The following DYNC2H1 variants were observed in gnomAD, a reference collection of about 807,000 sequenced individuals.
DYNC2H1 encodes the protein cytoplasmic dynein 2 heavy chain 1.
In DYNC2H1, 410 loss-of-function variants were observed where a neutral mutation model predicts 570.0. The observed-to-expected ratio is 0.72, with a 90% CI of 0.66 to 0.78. DYNC2H1 has a LOEUF of 0.78. DYNC2H1 is among the 30% of genes least tolerant of loss of function. The pLI is 0.00. For missense variants in DYNC2H1, 4,865 were observed against 5,046.4 expected (o/e 0.96, Z 1.09); for synonymous variants, 1,688 against 1,677.6 (o/e 1.01, Z -0.15).
chr11:103,223,056 CT>C lies in DYNC2H1; in HGVS notation c.9326del (p.Leu3109TrpfsTer8). ...TCCCATGTCTTGGAACGAATTCATC[CT>C]TTGGAAACTGAACAGGCAGGATTAG... The part of the protein sequence containing the change: ...QYSHVLERIH[P>X]LETEQAGLES... On this transcript the variant is annotated frameshift_variant, in exon 59 of 89. Transcript: ENST00000375735. LOFTEE classifies it high-confidence loss of function. 1 of 1,612,796 alleles carries C rather than the reference CT, an allele frequency of 6.2e-7. No individual in the cohort carries two copies. Among genetic ancestry groups the C allele is most frequent in the Non-Finnish European group, 8.5e-7 (1 of 1,179,346 alleles).
intron 65 of DYNC2H1, among the ~76,000 whole-genome samples, chr11:103,250,273 A>C (rs1235486720): frequency 6.6e-6 from 1 of 151,894 alleles, no homozygotes; most frequent in African/African-American, 2.4e-5. Flanking sequence ...GATAATTTTT[A>C]TTATCTTTTT....
At chr11:103,267,308 C>T (rs1865548734) in intron 70 of DYNC2H1, among the ~76,000 whole-genome samples, 1 of 150,626 alleles carries the variant, frequency 6.6e-6, no homozygotes, top group Non-Finnish European at 1.5e-5. Flanking sequence ...TCTGTTAGGG[C>T]CCGCCAGTCT....
intron 13 of DYNC2H1, among the ~76,000 whole-genome samples, chr11:103,131,522 T>A (rs1369037686): frequency 2.1e-5 from 3 of 142,054 alleles, no homozygotes; most frequent in African/African-American, 9.4e-5. Context: ...CCAGTATTCT[T>A]TTTTTTCCCT....
intron 40 of DYNC2H1, among the ~76,000 whole-genome samples, chr11:103,183,325 T>C (rs1197988113): frequency 2.0e-5 from 3 of 151,874 alleles, no homozygotes; most frequent in African/African-American, 7.2e-5. Context: ...GTGAATGTTA[T>C]AATAGGAGTA....
In DYNC2H1 at chr11:103,177,533, T is replaced by A; in HGVS notation, c.5875-23T>A. On this transcript the variant is annotated intron_variant, in intron 37 of 88. Transcript: ENST00000375735. The surrounding 1 kb of genome is among the most constrained non-coding windows in gnomAD (Gnocchi z 4.4). Reference sequence around the variant, plus strand: ...ATGATTGAATATTATAAATCATATATGAACATATTTCTTTCCTACTAGATC... The same window carrying A: ...ATGATTGAATATTATAAATCATATAAGAACATATTTCTTTCCTACTAGATC... 6.3e-7 allele frequency: 1 copy of A among 1,586,744 alleles called. No individual in the cohort carries two copies. The highest frequency in any genetic ancestry group is 8.5e-7 in the Non-Finnish European group (1 of 1,170,930).
At chr11:103,469,029 C>G (rs531517673) in intron 88 of DYNC2H1, among the ~76,000 whole-genome samples, 1 of 152,268 alleles carries the variant, frequency 6.6e-6, no homozygotes, top group Admixed American at 6.5e-5. Flanking sequence ...GTGCTAGGTA[C>G]TTTATATGCT....
rs531127628 is a variant in DYNC2H1 at position 103,192,098 on chromosome 11, A to T, written c.7542A>T (p.Gly2514=). The T allele has an allele frequency of 4.7e-6, 7 of 1,488,468 alleles. No homozygotes were observed. Among genetic ancestry groups the T allele is most frequent in the Non-Finnish European group, 6.3e-6 (7 of 1,109,370 alleles). 92.2% of individuals were successfully genotyped at this position (1,488,468 alleles called of 1,614,324 possible). Residue 2514 remains glycine (G), a splice_region_variant and synonymous_variant, in exon 47 of 89, where the codon GGA becomes GGT. Coordinates refer to ENST00000375735, the MANE Select transcript of DYNC2H1 (RefSeq NM_001377.3). ...LGLFRYDLEG[G]SSNHPLDYVL... ...TAAATAAAATTTTGCCTTTTCTAGG[A>T]TCCTCAAACCATCCACTAGATTATG...
chr11:103,170,632 TAA>T lies in DYNC2H1; in HGVS notation c.5152-252_5152-251del. 6.6e-6 allele frequency among the ~76,000 whole-genome samples: 1 copy of T among 152,322 alleles called. No individual in the cohort carries two copies. The highest frequency in any genetic ancestry group is 2.1e-4 in the South Asian group (1 of 4,832). ...TTTGTATGTAATTTGTATTTTGACTTAAAGAGTAACTAACACAAATCTTGTAT... is the reference window on the plus strand; with the variant it reads ...TTTGTATGTAATTTGTATTTTGACTTAGAGTAACTAACACAAATCTTGTAT... On this transcript the variant is annotated intron_variant, in intron 33 of 88. Coordinates refer to ENST00000375735, the MANE Select transcript of DYNC2H1 (RefSeq NM_001377.3). The surrounding 1 kb of genome is among the most constrained non-coding windows in gnomAD (Gnocchi z 4.8).
rs566098295 is a variant in DYNC2H1, at chr11:103,389,005, T to G, written c.12157-10658T>G. On this transcript the variant is annotated intron_variant, in intron 83 of 88. Transcript: ENST00000375735. ...CTGCCAGGCTTTGTTATGAGGATGA[T>G]GCTGGCCTCTTAAAATGAGTTAGGG... is the stretch of plus-strand genomic sequence containing the variant. Among the ~76,000 whole-genome samples, 5 of 152,358 alleles carry G rather than the reference T, an allele frequency of 3.3e-5. No homozygotes were observed. In the East Asian group the frequency reaches 7.7e-4, roughly 24 times the overall value.
intron 83 of DYNC2H1, among the ~76,000 whole-genome samples, chr11:103,386,932 G>C (rs1941907466): frequency 6.6e-6 from 1 of 151,528 alleles, no homozygotes; most frequent in African/African-American, 2.4e-5. Flanking sequence ...CCAAGTCTTT[G>C]CTATTGTGAA....
At chr11:103,294,440 C>G (rs1039490967) in intron 75 of DYNC2H1, among the ~76,000 whole-genome samples, 1 of 152,180 alleles carries the variant, frequency 6.6e-6, no homozygotes, top group African/African-American at 2.4e-5. Flanking sequence ...ATTGGGAACC[C>G]TAAGCCCAAG....
chr11:103,377,712 TG>T lies in DYNC2H1; in HGVS notation c.12156+19354del, dbSNP rs1210175060. Among the ~76,000 whole-genome samples the T allele has an allele frequency of 4.4e-4, 67 of 152,326 alleles. 1 individual carries two copies. Among genetic ancestry groups the T allele is most frequent in the African/African-American group, 1.5e-3 (63 of 41,566 alleles). ...GTGGAAGAGTTACTTTGATAGAATT[TG>T]AAGTTACTTTTTACATTTACATAGG... On this transcript the variant is annotated intron_variant, in intron 83 of 88. Coordinates refer to ENST00000375735, the MANE Select transcript of DYNC2H1 (RefSeq NM_001377.3).
intron 82 of DYNC2H1, among the ~76,000 whole-genome samples, chr11:103,329,419 G>A (rs535003786): frequency 1.3e-5 from 2 of 152,184 alleles, no homozygotes; most frequent in South Asian, 4.2e-4. Context: ...AATGTTGGAG[G>A]ATAGAAATCT....
chr11:103,204,389 TC>T lies in DYNC2H1; in HGVS notation c.8312-431del, dbSNP rs1862842223. 6.6e-6 allele frequency among the ~76,000 whole-genome samples: 1 copy of T among 152,200 alleles called. No homozygotes were observed. Among genetic ancestry groups the T allele is most frequent in the Non-Finnish European group, 1.5e-5 (1 of 68,024 alleles). On this transcript the variant is annotated intron_variant, in intron 51 of 88. Transcript: ENST00000375735. The surrounding 1 kb of genome is among the most constrained non-coding windows in gnomAD (Gnocchi z 4.1). Reference sequence around the variant, plus strand: ...TGTTCTTTGGAATATTTACCTTGCCTCCTTTGTTTCATGTGGTGAAATTAGT... The same window carrying T: ...TGTTCTTTGGAATATTTACCTTGCCTCTTTGTTTCATGTGGTGAAATTAGT...
At chr11:103,416,608 A>G (rs756365795) in intron 84 of DYNC2H1, among the ~76,000 whole-genome samples, 4 of 152,196 alleles carry the variant, frequency 2.6e-5, no homozygotes, top group Non-Finnish European at 5.9e-5. Context: ...GGCTAGCCAT[A>G]TACAGAAAAC....
rs386374721 is a variant in DYNC2H1 at position 103,309,168 on chromosome 11, A to ATTTTTTTTTTTTTTTTTTTTTTTTTTTTT, written c.11493+1361_11493+1362insTTTTTTTTTTTTTTTTTTTTTTTTTTTTT. Among the ~76,000 whole-genome samples the ATTTTTTTTTTTTTTTTTTTTTTTTTTTTT allele has an allele frequency of 2.7e-3, 146 of 54,642 alleles. 43 individuals carry two copies. The highest frequency in any genetic ancestry group is 3.4e-3 in the Non-Finnish European group (99 of 29,368). The allele number at this position is 54,642 out of a possible 152,430, so 35.8% of individuals were successfully genotyped here. On this transcript the variant is annotated intron_variant, in intron 78 of 88. Coordinates refer to ENST00000375735, the MANE Select transcript of DYNC2H1 (RefSeq NM_001377.3). ...TTATTAGTGTTTGTAACTGCATGCT[A>ATTTTTTTTTTTTTTTTTTTTTTTTTTTTT]TTTTTTTTTTTTTTTTTTTTTTTTG...
chr11:103,111,911 A>G (rs1858133652), intron 1 of DYNC2H1, among the ~76,000 whole-genome samples: 1 of 152,248 alleles, frequency 6.6e-6, no homozygotes. Flanking sequence ...CCATGAACAC[A>G]GAGTCCGTAT....
rs1464731343 is a variant in DYNC2H1 at position 103,354,179 on chromosome 11, AAC to A, written c.12040-4062_12040-4061del. ...GTGACAGAGCCAGGCTCTGTCTCAA[AAC>A]AAAAAAAAAAAAAAAAAAAAATCTC... On this transcript the variant is annotated intron_variant, in intron 82 of 88. Transcript: ENST00000375735. 4.8e-3 allele frequency among the ~76,000 whole-genome samples: 686 copies of A among 143,452 alleles called. 29 individuals carry two copies. The highest frequency in any genetic ancestry group is 0.016 in the African/African-American group (597 of 37,712). The allele number at this position is 143,452 out of a possible 152,430, so 94.1% of individuals were successfully genotyped here.
At chr11:103,116,478 T>C in intron 4 of DYNC2H1, 92 bp from the exon 5 acceptor site, 2 of 895,944 alleles carry the variant, frequency 2.2e-6, no homozygotes, top group Non-Finnish European at 1.5e-6. Context: ...AATATTAGAG[T>C]TGTGGCAGTT....
Sources: gnomAD v4.1 joint callset for allele counts (sites outside exome capture counted in the v4.1 genomes callset) on GRCh38, gnomAD v4.1.1 for gene constraint, Gnocchi (gnomAD v3.1) non-coding constraint, MANE v1.5 for transcripts, NCBI Gene and HGNC (gene_info 2026-07-23, HGNC 2026-07-21) for gene names.